TLK1: variants seen among roughly 807,000 people sequenced by gnomAD.
TLK1 encodes the protein tousled like kinase 1.
Under a neutral mutation model 105.3 loss-of-function variants are expected in TLK1, and 24 were observed. That is an observed-to-expected ratio of 0.23 (90% CI 0.17 to 0.32). The LOEUF (loss-of-function observed/expected upper bound fraction) is 0.32, where lower values mean the gene tolerates loss of function less well. Ranked by LOEUF, TLK1 falls within the 10% of genes least tolerant of loss-of-function variation. The probability of loss-of-function intolerance (pLI) is 1.00; values close to 1 mark genes in which losing one functional copy is unlikely to be tolerated. For synonymous variants in TLK1, 321 were observed against 310.4 expected (o/e 1.03, Z -0.36); for missense variants, 558 against 910.5 (o/e 0.61, Z 4.98).
chr2:171,131,586 T>A (rs1189001655), intron 1 of TLK1, among the ~76,000 whole-genome samples: 1 of 152,200 alleles, frequency 6.6e-6, no homozygotes, highest in Non-Finnish European at 1.5e-5. Flanking sequence ...TGACTTCATA[T>A]TTCTTCATAT....
At chr2:171,059,889 G>T in intron 4 of TLK1, 1 of 1,066,582 alleles carries the variant, frequency 9.4e-7, no homozygotes, top group Non-Finnish European at 1.5e-6. Context: ...AGGAGGCCGA[G>T]CTTAGGCGGT....
chr2:171,148,643 G>A (rs1372581271), intron 1 of TLK1, among the ~76,000 whole-genome samples: 1 of 151,922 alleles, frequency 6.6e-6, no homozygotes, highest in Non-Finnish European at 1.5e-5. Flanking sequence ...AGCACTTTAG[G>A]AGGCCCAGAA....
intron 1 of TLK1, among the ~76,000 whole-genome samples, chr2:171,152,518 ATTG>A (rs144550135): frequency 0.13 from 20,388 of 151,770 alleles, 2,325 homozygotes; most frequent in African/African-American, 0.32. Context: ...AGGTTTTGTT[ATTG>A]TTGTTGTTGT....
chr2:171,168,329 G>A (rs138787374), intron 1 of TLK1, among the ~76,000 whole-genome samples: 2 of 151,720 alleles, frequency 1.3e-5, no homozygotes, highest in African/African-American at 4.8e-5. Flanking sequence ...AAACAATATG[G>A]GAATGTAAAA....
At chr2:171,113,612 T>C (rs1214073618) in intron 2 of TLK1, among the ~76,000 whole-genome samples, 5 of 152,156 alleles carry the variant, frequency 3.3e-5, no homozygotes, top group Admixed American at 6.5e-5. Flanking sequence ...ATATATGTGT[T>C]AATTATGTAA....
intron 1 of TLK1, among the ~76,000 whole-genome samples, chr2:171,180,131 G>A (rs556597620): frequency 6.6e-6 from 1 of 151,698 alleles, no homozygotes; most frequent in South Asian, 2.1e-4. Context: ...CCAGGCATGG[G>A]GGTGGACGTC....
chr2:171,160,420 G>A lies in TLK1; in HGVS notation c.9C>T (p.Val3=), dbSNP rs1692437281. 6.2e-7 allele frequency: 1 copy of A among 1,603,540 alleles called. No homozygotes were observed. The highest frequency in any genetic ancestry group is 1.3e-5 in the African/African-American group (1 of 74,132). Residue 3 remains valine (V), a synonymous_variant, in exon 1 of 21, where the codon GTC becomes GTT. Coordinates refer to ENST00000431350, the MANE Select transcript of TLK1 (RefSeq NM_012290.5). This position sits in a 1 kb window ranked among gnomAD's most constrained non-coding sequence, Gnocchi z 4.4. MS[V]QSSSGSLEGP... ...CCTCCAAACTTCCACTGCTACTTTG[G>A]ACACTCATCAAGCTACTTTCTGGGA...
intron 2 of TLK1, chr2:171,091,775 C>T (rs370894318): frequency 6.6e-6 from 1 of 152,182 alleles, no homozygotes; most frequent in Non-Finnish European, 1.5e-5. Flanking sequence ...GACGGAGTCT[C>T]ACTCTGTCTC....
At chr2:171,174,744 G>A (rs1003325685) in intron 1 of TLK1, among the ~76,000 whole-genome samples, 1 of 152,080 alleles carries the variant, frequency 6.6e-6, no homozygotes, top group African/African-American at 2.4e-5. Context: ...ACTAAGTAAT[G>A]GTGATTGTGT....
At chr2:171,037,343 A>C (rs1247821799) in intron 11 of TLK1, among the ~76,000 whole-genome samples, 1 of 151,350 alleles carries the variant, frequency 6.6e-6, no homozygotes, top group East Asian at 2.0e-4. Flanking sequence ...CGGGAGGCTG[A>C]GGCAGGAGAA....
At chr2:171,060,013 C>T (rs1391441275) in intron 4 of TLK1, 3 of 1,611,416 alleles carry the variant, frequency 1.9e-6, no homozygotes, top group Non-Finnish European at 2.5e-6. Flanking sequence ...GAGAGGTCTG[C>T]TTTGGACTTG....
At chr2:171,048,351 G>T (rs1687060376) in intron 10 of TLK1, among the ~76,000 whole-genome samples, 1 of 152,182 alleles carries the variant, frequency 6.6e-6, no homozygotes. Context: ...TTCATTGCAG[G>T]ACAATTGCCG....
chr2:171,152,723 T>C (rs534840628), intron 1 of TLK1, among the ~76,000 whole-genome samples: 6 of 152,168 alleles, frequency 3.9e-5, no homozygotes, highest in Admixed American at 6.5e-5. Flanking sequence ...CCACAATAAA[T>C]AGACTGCTCC....
At chr2:171,039,366 A>G (rs1379872412) in intron 11 of TLK1, among the ~76,000 whole-genome samples, 1 of 152,160 alleles carries the variant, frequency 6.6e-6, no homozygotes, top group Non-Finnish European at 1.5e-5. Flanking sequence ...CCCAGGCTCA[A>G]GCGATCCTCC....
At chr2:171,128,913 A>G (rs939915101) in intron 1 of TLK1, among the ~76,000 whole-genome samples, 18 of 152,204 alleles carry the variant, frequency 1.2e-4, no homozygotes, top group Non-Finnish European at 7.3e-5. Flanking sequence ...GTTATAGTTT[A>G]TATCCACTCA....
At chr2:171,077,432 A>T (rs1031303267) in intron 3 of TLK1, among the ~76,000 whole-genome samples, 1 of 152,180 alleles carries the variant, frequency 6.6e-6, no homozygotes, top group African/African-American at 2.4e-5. Flanking sequence ...CTGACTCTAG[A>T]TACTGTCTCC....
At chr2:171,101,343 T>C (rs1198212176) in intron 2 of TLK1, among the ~76,000 whole-genome samples, 3 of 50,232 alleles carry the variant, frequency 6.0e-5, no homozygotes, top group South Asian at 6.8e-4. Flanking sequence ...TGAAACTCCG[T>C]CTCAAAAAAA....
chr2:171,115,677 T>C (rs977425842), intron 2 of TLK1, among the ~76,000 whole-genome samples: 15 of 152,228 alleles, frequency 9.9e-5, no homozygotes, highest in Non-Finnish European at 1.9e-4. Context: ...CTGAAGCTGA[T>C]GGTGGTGATA....
chr2:171,194,678 G>A lies in TLK1; in HGVS notation c.-6+36467C>T, dbSNP rs558908862. On this transcript the variant is annotated intron_variant, in intron 1 of 20. Coordinates refer to the TLK1 transcript ENST00000521943. ...TAAAAATACAAAAAATTAGCCGGGC[G>A]TGGTAGCGGGCGCCTGTAGTCCCAG... 2.2e-3 allele frequency among the ~76,000 whole-genome samples: 337 copies of A among 150,590 alleles called. 1 individual carries two copies. The highest frequency in any genetic ancestry group is 7.3e-3 in the African/African-American group (294 of 40,238).
Sources: allele counts gnomAD v4.1 joint callset (sites outside exome capture counted in the v4.1 genomes callset), GRCh38; gene constraint gnomAD v4.1.1; non-coding constraint Gnocchi (gnomAD v3.1); transcripts MANE v1.5; gene names NCBI Gene and HGNC (gene_info 2026-07-23, HGNC 2026-07-21).